GRIN2A: variants seen among roughly 807,000 people sequenced by gnomAD.
GRIN2A encodes the protein glutamate ionotropic receptor NMDA type subunit 2A, also known as glutamate receptor ionotropic, NMDA 2A.
Under a neutral mutation model 113.4 loss-of-function variants are expected in GRIN2A, and 22 were observed. The observed-to-expected ratio is 0.19, with a 90% CI of 0.14 to 0.28. The LOEUF is 0.28. Among genes scored for constraint, GRIN2A ranks in the 10% least tolerant of loss-of-function variants. GRIN2A has a pLI of 1.00. For synonymous variants in GRIN2A, 827 were observed against 738.4 expected (o/e 1.12, Z -1.94); for missense variants, 1,502 against 1,887.0 (o/e 0.80, Z 3.78).
chr16:10,002,504 G>C (rs934173636), intron 2 of GRIN2A, among the ~76,000 whole-genome samples: 2 of 152,202 alleles, frequency 1.3e-5, no homozygotes, highest in African/African-American at 4.8e-5. Context: ...GGTAAGAGAA[G>C]GAAGTCAGTG....
intron 11 of GRIN2A, among the ~76,000 whole-genome samples, chr16:9,786,659 A>G (rs1365636033): frequency 2.0e-5 from 3 of 152,186 alleles, no homozygotes; most frequent in East Asian, 1.9e-4. Context: ...TATAGCAGCT[A>G]AAGAAGTAAC....
chr16:10,029,612 G>A (rs7192557), intron 2 of GRIN2A, among the ~76,000 whole-genome samples: 32,121 of 152,154 alleles, frequency 0.21, 4,104 homozygotes, highest in East Asian at 0.52. Context: ...TTGGGGATAC[G>A]GCATATGTCT....
At chr16:9,896,353 CA>C (rs2141498767) in intron 3 of GRIN2A, among the ~76,000 whole-genome samples, 1 of 152,270 alleles carries the variant, frequency 6.6e-6, no homozygotes, top group East Asian at 1.9e-4. Context: ...CCAGCCAAAA[CA>C]GTGATTGTTT....
chr16:10,029,231 G>A (rs762381341), intron 2 of GRIN2A, among the ~76,000 whole-genome samples: 1 of 150,764 alleles, frequency 6.6e-6, no homozygotes, highest in African/African-American at 2.4e-5. Context: ...TTTCGCTCTT[G>A]TTGCCCAGGC....
intron 2 of GRIN2A, among the ~76,000 whole-genome samples, chr16:10,019,245 C>T (rs1357422776): frequency 1.3e-5 from 2 of 152,116 alleles, no homozygotes; most frequent in Non-Finnish European, 2.9e-5. Flanking sequence ...AAGATATAAA[C>T]ATTTGACACA....
chr16:10,099,073 C>T (rs1259560381), intron 2 of GRIN2A, among the ~76,000 whole-genome samples: 1 of 152,158 alleles, frequency 6.6e-6, no homozygotes, highest in Non-Finnish European at 1.5e-5. Flanking sequence ...AAAAACCACT[C>T]ATCTAGAGGA....
At chr16:10,013,101 C>T (rs972783569) in intron 2 of GRIN2A, among the ~76,000 whole-genome samples, 1 of 152,134 alleles carries the variant, frequency 6.6e-6, no homozygotes, top group Non-Finnish European at 1.5e-5. Context: ...ACCCCAGTGA[C>T]ACGTGTTTAC....
chr16:9,804,021 C>A (rs2041917360), intron 10 of GRIN2A, among the ~76,000 whole-genome samples: 1 of 152,264 alleles, frequency 6.6e-6, no homozygotes, highest in South Asian at 2.1e-4. Flanking sequence ...TCCCAACAGC[C>A]ACAGAGTCAT....
At chr16:10,005,104 A>G (rs2046383496) in intron 2 of GRIN2A, among the ~76,000 whole-genome samples, 1 of 152,246 alleles carries the variant, frequency 6.6e-6, no homozygotes, top group Non-Finnish European at 1.5e-5. Flanking sequence ...GGGCACTGGT[A>G]AGTATGTAGG....
intron 2 of GRIN2A, among the ~76,000 whole-genome samples, chr16:10,154,864 AGCAATCAGG>A (rs1259303138): frequency 6.6e-6 from 1 of 152,248 alleles, no homozygotes; most frequent in Admixed American, 6.5e-5. Context: ...GTTATATTTT[AGCAATCAGG>A]GCAATGGTTT....
intron 2 of GRIN2A, among the ~76,000 whole-genome samples, chr16:10,155,323 A>C (rs2049666772): frequency 6.6e-6 from 1 of 152,098 alleles, no homozygotes; most frequent in Non-Finnish European, 1.5e-5. Flanking sequence ...CATCACAGAA[A>C]ATGAATATCC....
At chr16:9,840,073 A>C (rs563058649) in intron 7 of GRIN2A, among the ~76,000 whole-genome samples, 1 of 152,198 alleles carries the variant, frequency 6.6e-6, no homozygotes, top group Admixed American at 6.5e-5. Flanking sequence ...AGCCAAGATC[A>C]TAACACTGCA....
At chr16:9,976,157 A>T (rs1393633784) in intron 2 of GRIN2A, among the ~76,000 whole-genome samples, 1 of 152,242 alleles carries the variant, frequency 6.6e-6, no homozygotes, top group African/African-American at 2.4e-5. Context: ...TATAGCTTAC[A>T]TAAATGGGGA....
At chr16:9,992,578 C>G (rs1456886666) in intron 2 of GRIN2A, among the ~76,000 whole-genome samples, 1 of 152,212 alleles carries the variant, frequency 6.6e-6, no homozygotes. Flanking sequence ...AGGCAAGGAA[C>G]AGGACCAACT....
chr16:9,764,314 C>T lies in GRIN2A; in HGVS notation c.3230G>A (p.Ser1077Asn), dbSNP rs1427368529. The T allele has an allele frequency of 1.2e-6, 2 of 1,614,092 alleles. No individual in the cohort carries two copies. The highest frequency in any genetic ancestry group is 2.2e-5 in the South Asian group (2 of 91,074). Residue 1077 changes from serine to asparagine, a missense_variant, in exon 13 of 13, where the codon AGT becomes AAT. Ser to Asn is a conservative substitution (Grantham distance 46). Around this residue, in one of 7 missense-constraint regions of GRIN2A, gnomAD observed 832 missense variants for 789.7 expected, o/e 1.05. Transcript: ENST00000330684. The part of the protein sequence containing the change: ...RATCHREPDN[S>N]KNHKTKDNFK... Reference sequence around the variant, plus strand: ...GTTGTCCTTGGTTTTGTGGTTCTTACTGTTGTCAGGTTCCCTGTGGCACGT... The same window carrying T: ...GTTGTCCTTGGTTTTGTGGTTCTTATTGTTGTCAGGTTCCCTGTGGCACGT...
At chr16:10,049,918 G>A (rs1304239678) in intron 2 of GRIN2A, among the ~76,000 whole-genome samples, 1 of 152,124 alleles carries the variant, frequency 6.6e-6, no homozygotes, top group Non-Finnish European at 1.5e-5. Flanking sequence ...GAATCTTTCT[G>A]ATAACCCAGT....
intron 2 of GRIN2A, among the ~76,000 whole-genome samples, chr16:10,022,329 A>T (rs555847057): frequency 6.6e-6 from 1 of 151,454 alleles, no homozygotes; most frequent in South Asian, 2.1e-4. Flanking sequence ...ACACACGCAC[A>T]CACGCAAGCA....
intron 5 of GRIN2A, among the ~76,000 whole-genome samples, chr16:9,842,263 GAAAAA>G (rs1050573274): frequency 1.5e-4 from 21 of 144,762 alleles, no homozygotes; most frequent in African/African-American, 6.0e-4. Flanking sequence ...AAAAAAAAAA[GAAAAA>G]AGAAAAGAAA....
chr16:10,119,416 C>T (rs1005836807), intron 2 of GRIN2A, among the ~76,000 whole-genome samples: 1 of 44,554 alleles, frequency 2.2e-5, no homozygotes, highest in African/African-American at 5.7e-5. Context: ...TTCCAGAAAT[C>T]TGTTAATTCA....
Sources: allele counts gnomAD v4.1 joint callset (sites outside exome capture counted in the v4.1 genomes callset), GRCh38; gene constraint gnomAD v4.1.1; regional missense constraint gnomAD v4.1.1; transcripts MANE v1.5; gene names NCBI Gene and HGNC (gene_info 2026-07-23, HGNC 2026-07-21).